CTCF: variants seen among roughly 807,000 people sequenced by gnomAD.
The protein encoded by CTCF is CCCTC-binding factor, also known as transcriptional repressor CTCF.
A neutral mutation model predicts 72.3 loss-of-function variants in CTCF; 7 were observed. The ratio of observed to expected loss-of-function variants is 0.10; its 90% CI spans 0.06 to 0.18. CTCF has a LOEUF of 0.18. Among genes scored for constraint, CTCF ranks in the 10% least tolerant of loss-of-function variants. The pLI, the probability that CTCF is intolerant of heterozygous loss-of-function variation, is 1.00. For missense variants in CTCF, 516 were observed against 949.1 expected, an observed-to-expected ratio of 0.54 and a Z score of 6.00; for synonymous variants, 374 against 315.8, an observed-to-expected ratio of 1.18 and a Z score of -1.95.
At chr16:67,565,645 C>T (rs7187400) in intron 1 of CTCF, among the ~76,000 whole-genome samples, 6,254 of 146,430 alleles carry the variant, frequency 0.043, 452 homozygotes, top group African/African-American at 0.15. Flanking sequence ...TGCACTCCAG[C>T]CTGGGCAACA....
chr16:67,629,159 G>C (rs981995793), intron 9 of CTCF, among the ~76,000 whole-genome samples: 2 of 139,994 alleles, frequency 1.4e-5, no homozygotes, highest in East Asian at 2.5e-4. Context: ...GGCTCTGTTA[G>C]ATCTTGACAG....
chr16:67,569,447 G>A (rs2051384506), intron 1 of CTCF, among the ~76,000 whole-genome samples: 1 of 152,174 alleles, frequency 6.6e-6, no homozygotes, highest in Non-Finnish European at 1.5e-5. Context: ...GCCTCCCAAA[G>A]TGCTGGGATT....
chr16:67,569,777 C>G (rs1475976308), intron 1 of CTCF, among the ~76,000 whole-genome samples: 1 of 151,510 alleles, frequency 6.6e-6, no homozygotes, highest in African/African-American at 2.4e-5. Context: ...CCTCCGGCTC[C>G]TGGGTTCAGG....
At chr16:67,599,459 C>A (rs923459041) in intron 2 of CTCF, among the ~76,000 whole-genome samples, 12 of 152,112 alleles carry the variant, frequency 7.9e-5, no homozygotes, top group African/African-American at 2.9e-4. Context: ...AGGATACAGG[C>A]CTCTGGGGTC....
intron 1 of CTCF, among the ~76,000 whole-genome samples, chr16:67,566,233 G>T (rs963471317): frequency 6.6e-6 from 1 of 152,076 alleles, no homozygotes. Context: ...GTGGGACATG[G>T]TGGCTCACAC....
chr16:67,619,797 T>G (rs1393990218), intron 5 of CTCF, among the ~76,000 whole-genome samples: 2 of 152,326 alleles, frequency 1.3e-5, no homozygotes, highest in African/African-American at 2.4e-5. Context: ...TTGCCCAGGC[T>G]GGTCTCGAAC....
Position 67,619,165 on chromosome 16 carries a change from G to T in CTCF, c.1087-1532G>T, listed in dbSNP as rs60468025. Among the ~76,000 whole-genome samples the T allele has an allele frequency of 3.9e-3, 594 of 152,326 alleles. 5 individuals carry two copies. The highest frequency in any genetic ancestry group is 0.014 in the African/African-American group (568 of 41,568). On this transcript the variant is annotated intron_variant, in intron 5 of 11. Transcript: ENST00000264010. ...ACACTTATGAGTGGGGCCAGGCGCGGTAGCTCACGCCTGTAATCCCAGCAC... is the reference window on the plus strand; with the variant it reads ...ACACTTATGAGTGGGGCCAGGCGCGTTAGCTCACGCCTGTAATCCCAGCAC...
intron 1 of CTCF, 130 bp from the exon 2 acceptor site, chr16:67,571,018 A>G (rs1191476831): frequency 2.6e-5 from 4 of 152,184 alleles, no homozygotes; most frequent in Non-Finnish European, 4.4e-5. Context: ...GGTTAGTGAC[A>G]TGACATGAAC....
At chr16:67,633,804 A>ACACACACACACACACACACTCT (rs1265384967) in intron 10 of CTCF, among the ~76,000 whole-genome samples, 1 of 151,784 alleles carries the variant, frequency 6.6e-6, no homozygotes, top group African/African-American at 2.4e-5. Flanking sequence ...ACACACACAC[A>ACACACACACACACACACACTCT]CACACACACA....
At position 67,611,577 on chromosome 16, in the gene CTCF, A is replaced by G. The variant is rs747052464; in HGVS notation, c.745A>G (p.Met249Val). The change falls in exon 3 of 12, where the codon ATG becomes GTG. Residue 249 changes from methionine (M) to valine (V), a missense_variant. Around this residue, in one of 7 missense-constraint regions of CTCF, gnomAD observed 70 missense variants for 290.1 expected, o/e 0.24. Coordinates refer to ENST00000264010, the MANE Select transcript of CTCF (RefSeq NM_006565.4). Reference protein sequence around the residue: ...EVNAEKVVGNMKPPKPTKIKK... With the variant: ...EVNAEKVVGNVKPPKPTKIKK... Reference sequence around the variant, plus strand: ...TAATGCAGAGAAAGTGGTTGGTAATATGAAGCCTCCAAAGCCAACAAAAAT... The same window carrying G: ...TAATGCAGAGAAAGTGGTTGGTAATGTGAAGCCTCCAAAGCCAACAAAAAT... The G allele has an allele frequency of 6.2e-7, 1 of 1,614,050 alleles. No homozygotes were observed. Among genetic ancestry groups the G allele is most frequent in the Non-Finnish European group, 8.5e-7 (1 of 1,180,002 alleles).
At chr16:67,625,343 C>T (rs1398953175) in intron 7 of CTCF, among the ~76,000 whole-genome samples, 1 of 152,088 alleles carries the variant, frequency 6.6e-6, no homozygotes, top group East Asian at 1.9e-4. Flanking sequence ...GGTTTACAGG[C>T]ATACACCACC....
At chr16:67,614,739 C>G (rs1028636074) in intron 4 of CTCF, 1 of 152,120 alleles carries the variant, frequency 6.6e-6, no homozygotes, top group Non-Finnish European at 1.5e-5. Flanking sequence ...CCCAACTACT[C>G]GGGAGGCTGA....
intron 4 of CTCF, chr16:67,614,771 C>G (rs1441846485): frequency 6.6e-6 from 1 of 151,166 alleles, no homozygotes; most frequent in Non-Finnish European, 1.5e-5. Context: ...CACTTAAACC[C>G]AGGAGGCGGA....
chr16:67,579,684 C>T (rs566032866), intron 2 of CTCF, among the ~76,000 whole-genome samples: 3 of 152,234 alleles, frequency 2.0e-5, no homozygotes, highest in Admixed American at 6.5e-5. Context: ...TGAGCCACCA[C>T]GCCCAGCTTG....
chr16:67,591,351 G>A (rs923796089), intron 2 of CTCF, among the ~76,000 whole-genome samples: 2 of 152,146 alleles, frequency 1.3e-5, no homozygotes, highest in Non-Finnish European at 2.9e-5. Context: ...TTAAATAGAT[G>A]AGTGCTTTTT....
At chr16:67,620,455 C>T (rs1380069117) in intron 5 of CTCF, among the ~76,000 whole-genome samples, 2 of 152,212 alleles carry the variant, frequency 1.3e-5, no homozygotes, top group Non-Finnish European at 2.9e-5. Context: ...CCACCTCAGC[C>T]TCCCAAGTAA....
In CTCF at chr16:67,628,444, C is replaced by T; in HGVS notation, c.1593C>T (p.Thr531=). 1.2e-6 allele frequency: 2 copies of T among 1,614,218 alleles called. No homozygotes were observed. The highest frequency in any genetic ancestry group is 2.2e-5 in the South Asian group (2 of 91,086). The change falls in exon 9 of 12, where the codon ACC becomes ACT. Residue 531 remains threonine (T), a synonymous_variant. Transcript: ENST00000264010. ...ACGCCTGCAGCCACTGCGATAAGAC[C>T]TTCCGCCAGAAGCAGCTTCTCGACA... is the stretch of plus-strand genomic sequence containing the variant. ...KPYACSHCDK[T]FRQKQLLDMH... is the part of the protein sequence containing the mutation.
rs1157876040 is a variant in CTCF, at chr16:67,624,125, GTATA to G, written c.1358-2424_1358-2421del. Among the ~76,000 whole-genome samples the G allele has an allele frequency of 2.2e-3, 270 of 124,876 alleles. 1 individual carries two copies. Among genetic ancestry groups the G allele is most frequent in the African/African-American group, 9.0e-3 (258 of 28,768 alleles). 81.9% of individuals were successfully genotyped at this position (124,876 alleles called of 152,430 possible). A position where few individuals can be genotyped will look rare whatever the true frequency, so the allele number is the denominator to read the frequency against. ...TGTGTGTGTGTGTGTGTATGTGTGTGTATATATATGTGTGTGTGTGTATATATGT... is the reference window on the plus strand; with the variant it reads ...TGTGTGTGTGTGTGTGTATGTGTGTGTATATGTGTGTGTGTGTATATATGT... On this transcript the variant is annotated intron_variant, in intron 7 of 11. Coordinates refer to ENST00000264010, the MANE Select transcript of CTCF (RefSeq NM_006565.4).
chr16:67,618,382 A>G (rs1230796707), intron 5 of CTCF, among the ~76,000 whole-genome samples: 1 of 152,224 alleles, frequency 6.6e-6, no homozygotes, highest in Non-Finnish European at 1.5e-5. Flanking sequence ...AGCCTGGGTG[A>G]TGAGTGAGAC....
Sources: allele counts gnomAD v4.1 joint callset (sites outside exome capture counted in the v4.1 genomes callset), GRCh38; gene constraint gnomAD v4.1.1; regional missense constraint gnomAD v4.1.1; transcripts MANE v1.5; gene names NCBI Gene and HGNC (gene_info 2026-07-23, HGNC 2026-07-21).